The following CCDC125 variants were observed in gnomAD, a reference collection of about 807,000 sequenced individuals.
The protein encoded by CCDC125 is coiled-coil domain-containing protein 125.
Under a neutral mutation model 57.4 loss-of-function variants are expected in CCDC125, and 43 were observed. That is an observed-to-expected ratio of 0.75 (90% CI 0.59 to 0.97). The LOEUF (loss-of-function observed/expected upper bound fraction) is 0.97, where lower values mean the gene tolerates loss of function less well. Ranked by LOEUF, CCDC125 falls within the 50% of genes least tolerant of loss-of-function variation. CCDC125 has a pLI of 0.00. For synonymous variants in CCDC125, 187 were observed against 195.2 expected (o/e 0.96, Z 0.35); for missense variants, 563 against 595.7 (o/e 0.95, Z 0.57).
At chr5:69,276,376 T>G (rs1296585388), downstream of CCDC125, among the ~76,000 whole-genome samples, 1 of 152,232 alleles carries the variant, frequency 6.6e-6, no homozygotes, top group East Asian at 1.9e-4. Flanking sequence ...TAGGTATTTA[T>G]TTGTAGTAAT....
intron 8 of CCDC125, among the ~76,000 whole-genome samples, chr5:69,297,616 C>G (rs778426630): frequency 2.2e-4 from 33 of 151,488 alleles, no homozygotes; most frequent in African/African-American, 3.4e-4. Flanking sequence ...CCTCAGCCCC[C>G]GCAAAGTGCT....
downstream of CCDC125, chr5:69,277,271 G>T: frequency 2.0e-6 from 1 of 491,434 alleles, no homozygotes; most frequent in East Asian, 3.3e-5. Flanking sequence ...GTAAAACTAT[G>T]GGTTATTTTT....
intron 11 of CCDC125, 99 bp downstream of exon 11, chr5:69,285,238 C>T (rs193006191): frequency 5.2e-4 from 588 of 1,125,858 alleles, no homozygotes; most frequent in Admixed American, 1.0e-3. Flanking sequence ...TTGTGTTGGG[C>T]CACATTCAAA....
intron 2 of CCDC125, among the ~76,000 whole-genome samples, chr5:69,315,057 G>T (rs868832292): frequency 6.7e-6 from 1 of 150,278 alleles, no homozygotes; most frequent in Non-Finnish European, 1.5e-5. Flanking sequence ...GGAGTTCAAG[G>T]CCAGCTTGGC....
intron 8 of CCDC125, among the ~76,000 whole-genome samples, chr5:69,297,068 TTA>T (rs1755457139): frequency 6.6e-6 from 1 of 152,182 alleles, no homozygotes; most frequent in African/African-American, 2.4e-5. Context: ...TATTTTATTC[TTA>T]TTTATTTATT....
intron 3 of CCDC125, 99 bp downstream of exon 3, chr5:69,313,886 A>G: frequency 1.1e-6 from 1 of 948,584 alleles, no homozygotes; most frequent in Non-Finnish European, 1.7e-6. Flanking sequence ...TCCAGAAGCA[A>G]AAAGGAGAGG....
intron 8 of CCDC125, among the ~76,000 whole-genome samples, chr5:69,295,797 C>G (rs1477334548): frequency 1.3e-5 from 2 of 152,126 alleles, no homozygotes; most frequent in Non-Finnish European, 2.9e-5. Flanking sequence ...TGTTGAAATT[C>G]TGTTAAACTT....
intron 1 of CCDC125, among the ~76,000 whole-genome samples, chr5:69,329,499 C>CTTTTTT (rs535306741): frequency 3.1e-5 from 3 of 95,314 alleles, no homozygotes; most frequent in Non-Finnish European, 6.2e-5. Flanking sequence ...GGATTCAAGT[C>CTTTTTT]TTTTTTTTTT....
chr5:69,283,110 C>CTATTT (rs1435287410), intron 11 of CCDC125, 76 bp from the exon 12 acceptor site: 52 of 1,212,734 alleles, frequency 4.3e-5, no homozygotes, highest in Non-Finnish European at 5.7e-5. Context: ...GAGTATTGTA[C>CTATTT]TATTTTATCA....
chr5:69,313,931 C>T, intron 3 of CCDC125, 54 bp downstream of exon 3: 5 of 1,302,150 alleles, frequency 3.8e-6, no homozygotes, highest in Non-Finnish European at 5.6e-6. Context: ...AGCACTGCAG[C>T]CGCTGCTGGG....
intron 9 of CCDC125, among the ~76,000 whole-genome samples, chr5:69,293,521 G>A (rs142333522): frequency 1.3e-5 from 2 of 151,662 alleles, no homozygotes; most frequent in Non-Finnish European, 2.9e-5. Context: ...GTGGTGGCAG[G>A]CGCCTGTAAT....
At chr5:69,291,975 G>A (rs1378231357) in intron 10 of CCDC125, among the ~76,000 whole-genome samples, 1 of 152,110 alleles carries the variant, frequency 6.6e-6, no homozygotes, top group African/African-American at 2.4e-5. Context: ...TTCCTGTTAT[G>A]TTATGGTTTA....
At chr5:69,289,082 T>A (rs1326169043) in intron 10 of CCDC125, among the ~76,000 whole-genome samples, 3 of 152,212 alleles carry the variant, frequency 2.0e-5, no homozygotes, top group Non-Finnish European at 4.4e-5. Context: ...ATGGCCAAGC[T>A]CCACACAGGG....
intron 6 of CCDC125, among the ~76,000 whole-genome samples, chr5:69,305,826 CT>C (rs1014997471): frequency 3.3e-5 from 5 of 152,168 alleles, no homozygotes; most frequent in African/African-American, 9.7e-5. Context: ...AAGGAGCCCC[CT>C]GACCCCTTCT....
At chr5:69,325,779 G>A (rs928787966) in intron 1 of CCDC125, among the ~76,000 whole-genome samples, 2 of 140,716 alleles carry the variant, frequency 1.4e-5, no homozygotes, top group African/African-American at 5.3e-5. Flanking sequence ...AGCCAAGATC[G>A]TGTCACTGCA....
rs1760652139 is a variant in CCDC125 at position 69,325,766 on chromosome 5, G to A, written c.-40-5186C>T. On this transcript the variant is annotated intron_variant, in intron 1 of 11. Transcript: ENST00000396496. ...TTGAAACCAGAAGGTGGATGTTGCG[G>A]TGAGCCAAGATCGTGTCACTGCACT... Among the ~76,000 whole-genome samples the A allele has an allele frequency of 2.0e-5, 3 of 149,970 alleles. No homozygotes were observed. In the Admixed American group the frequency reaches 2.0e-4, roughly 10 times the overall value.
At chr5:69,273,579 C>CA in the CCDC125 span, among the ~76,000 whole-genome samples, 1 of 151,922 alleles carries the variant, frequency 6.6e-6, no homozygotes, top group Non-Finnish European at 1.5e-5. Context: ...TGAAATAAAA[C>CA]AAAAACTGAA....
intron 2 of CCDC125, 21 bp from the exon 3 acceptor site, chr5:69,314,067 A>G: frequency 6.5e-7 from 1 of 1,549,124 alleles, no homozygotes; most frequent in Non-Finnish European, 8.9e-7. Flanking sequence ...AGGAGAAAAG[A>G]ATCTATTAGG....
chr5:69,309,134 T>C (rs1757771675), intron 4 of CCDC125: 1 of 152,128 alleles, frequency 6.6e-6, no homozygotes, highest in African/African-American at 2.4e-5. Context: ...AGCCTGACAA[T>C]GCAATAGAAA....
Sources: gnomAD v4.1 joint callset for allele counts (sites outside exome capture counted in the v4.1 genomes callset) on GRCh38, gnomAD v4.1.1 for gene constraint, MANE v1.5 for transcripts, NCBI Gene and HGNC (gene_info 2026-07-23, HGNC 2026-07-21) for gene names.